The following SUGCT variants were observed in gnomAD, a reference collection of about 807,000 sequenced individuals.
The protein encoded by SUGCT is succinyl-CoA:glutarate CoA-transferase.
A neutral mutation model predicts 55.0 loss-of-function variants in SUGCT; 41 were observed. That is an observed-to-expected ratio of 0.74 (90% CI 0.58 to 0.97). The LOEUF (loss-of-function observed/expected upper bound fraction) is 0.97, where lower values mean the gene tolerates loss of function less well. Ranked by LOEUF, SUGCT falls within the 50% of genes least tolerant of loss-of-function variation. SUGCT has a pLI of 0.00. For synonymous variants in SUGCT, 187 were observed against 200.4 expected (o/e 0.93, Z 0.56); for missense variants, 568 against 547.8 (o/e 1.04, Z -0.37).
At chr7:40,562,422 G>A (rs1583987767) in intron 12 of SUGCT, among the ~76,000 whole-genome samples, 1 of 152,156 alleles carries the variant, frequency 6.6e-6, no homozygotes. Context: ...TAGGATGCTG[G>A]TGTGATGGCA....
chr7:40,519,816 C>T (rs930008507), intron 12 of SUGCT, among the ~76,000 whole-genome samples: 12 of 151,928 alleles, frequency 7.9e-5, no homozygotes, highest in East Asian at 3.9e-4. Flanking sequence ...ATTGCAAAGA[C>T]AGATTCAGTG....
the SUGCT span, among the ~76,000 whole-genome samples, chr7:40,917,346 C>G: frequency 4.6e-5 from 7 of 152,268 alleles, no homozygotes; most frequent in South Asian, 4.1e-4. Context: ...CAGTTTCTAC[C>G]ATACATAAGT....
downstream of SUGCT, among the ~76,000 whole-genome samples, chr7:40,864,427 C>T (rs1401045255): frequency 6.6e-6 from 1 of 152,154 alleles, no homozygotes; most frequent in Non-Finnish European, 1.5e-5. Flanking sequence ...GCTAGGATTA[C>T]AGACATGAGC....
At chr7:40,242,658 A>G (rs1394155878) in intron 7 of SUGCT, among the ~76,000 whole-genome samples, 1 of 151,592 alleles carries the variant, frequency 6.6e-6, no homozygotes, top group Non-Finnish European at 1.5e-5. Flanking sequence ...ATGCTGCTTG[A>G]TATTTGTTAC....
At chr7:40,230,388 G>C (rs1336520133) in intron 6 of SUGCT, among the ~76,000 whole-genome samples, 1 of 152,154 alleles carries the variant, frequency 6.6e-6, no homozygotes, top group East Asian at 1.9e-4. Flanking sequence ...TCATGCTAAG[G>C]AACTGTTATT....
intron 10 of SUGCT, among the ~76,000 whole-genome samples, chr7:40,452,935 C>T (rs56090338): frequency 0.11 from 16,125 of 152,124 alleles, 1,146 homozygotes; most frequent in Middle Eastern, 0.19. Flanking sequence ...GGGGAGAACA[C>T]CTGAATTTGA....
intron 12 of SUGCT, among the ~76,000 whole-genome samples, chr7:40,728,582 G>A (rs1786726513): frequency 6.6e-6 from 1 of 152,136 alleles, no homozygotes; most frequent in African/African-American, 2.4e-5. Context: ...TTTTATTGTT[G>A]TTTTAGAATA....
intron 12 of SUGCT, among the ~76,000 whole-genome samples, chr7:40,688,119 G>A (rs1784543282): frequency 6.6e-6 from 1 of 152,116 alleles, no homozygotes. Context: ...TTAATGCAAT[G>A]GTCAGTAATT....
intron 9 of SUGCT, among the ~76,000 whole-genome samples, chr7:40,386,816 A>G (rs373602193): frequency 6.6e-6 from 1 of 151,792 alleles, no homozygotes; most frequent in Non-Finnish European, 1.5e-5. Context: ...TGCAGATCCA[A>G]CCTCTTTGCT....
At chr7:40,865,902 C>T in the SUGCT span, among the ~76,000 whole-genome samples, 2 of 152,194 alleles carry the variant, frequency 1.3e-5, no homozygotes, top group African/African-American at 2.4e-5. Context: ...TTTCTTCTCC[C>T]AGCAGGCTGA....
chr7:40,860,171 TC>T, intron 13 of SUGCT, 144 bp from the exon 14 acceptor site: 8 of 942,086 alleles, frequency 8.5e-6, no homozygotes, highest in Non-Finnish European at 1.3e-5. Context: ...CACGTTTATT[TC>T]CAAAACGTTG....
At chr7:40,494,944 CTTG>C (rs941643171) in intron 11 of SUGCT, among the ~76,000 whole-genome samples, 4 of 151,664 alleles carry the variant, frequency 2.6e-5, no homozygotes, top group African/African-American at 7.3e-5. Flanking sequence ...GAGTTTTGCT[CTTG>C]TTGTCCAGGC....
In SUGCT at chr7:40,820,932, C is replaced by T. The variant is rs181778178; in HGVS notation, c.1154-39384C>T. On this transcript the variant is annotated intron_variant, in intron 13 of 13. Coordinates refer to ENST00000335693, the MANE Select transcript of SUGCT (RefSeq NM_001193313.2). ...AAATAGCTCTTATTATTTTGAGATA[C>T]GTCCCATCAATACCTAGTTTATTGA... Among the ~76,000 whole-genome samples, 885 of 152,152 alleles carry T rather than the reference C, an allele frequency of 5.8e-3. 12 individuals are homozygous for T. The highest frequency in any genetic ancestry group is 8.1e-3 in the Non-Finnish European group (548 of 68,012).
At chr7:40,910,274 A>G in the SUGCT span, among the ~76,000 whole-genome samples, 1 of 152,090 alleles carries the variant, frequency 6.6e-6, no homozygotes. Flanking sequence ...AAGACCAGGT[A>G]TGACAGATGT....
chr7:40,661,834 T>C (rs771466441), intron 12 of SUGCT, among the ~76,000 whole-genome samples: 2 of 152,192 alleles, frequency 1.3e-5, no homozygotes, highest in Admixed American at 6.5e-5. Flanking sequence ...TCTTTTTCTC[T>C]ACCATGTTTT....
rs1256585522 is a variant in SUGCT, at chr7:40,832,568, T to TTG, written c.1154-27747_1154-27746insGT. On this transcript the variant is annotated intron_variant, in intron 13 of 13. Transcript: ENST00000335693. Reference sequence around the variant, plus strand: ...GTTTTCCAGGGTTTTTTTTGTTTTTTTTTTTTCCCGGATGTGAGCACTCCT... The same window carrying TTG: ...GTTTTCCAGGGTTTTTTTTGTTTTTTTGTTTTTTCCCGGATGTGAGCACTCCT... 6.4e-4 allele frequency among the ~76,000 whole-genome samples: 97 copies of TTG among 151,448 alleles called. 1 individual carries two copies. The highest frequency in any genetic ancestry group is 2.2e-3 in the African/African-American group (93 of 41,364).
chr7:40,374,923 G>A (rs1784472148), intron 9 of SUGCT, among the ~76,000 whole-genome samples: 1 of 152,072 alleles, frequency 6.6e-6, no homozygotes, highest in Non-Finnish European at 1.5e-5. Context: ...GATGCTATCT[G>A]GCCCTCTTTG....
At chr7:40,334,739 G>A (rs542199358) in intron 9 of SUGCT, among the ~76,000 whole-genome samples, 6 of 152,186 alleles carry the variant, frequency 3.9e-5, no homozygotes, top group East Asian at 1.9e-4. Flanking sequence ...TTTGCTGCGC[G>A]GAAGCTCTTT....
chr7:40,787,208 A>G (rs1451725873), intron 13 of SUGCT, among the ~76,000 whole-genome samples: 1 of 152,196 alleles, frequency 6.6e-6, no homozygotes, highest in Non-Finnish European at 1.5e-5. Flanking sequence ...GAAAAACTGG[A>G]TAAGTTTTCA....
Sources: gnomAD v4.1 joint callset for allele counts (sites outside exome capture counted in the v4.1 genomes callset) on GRCh38, gnomAD v4.1.1 for gene constraint, MANE v1.5 for transcripts, NCBI Gene and HGNC (gene_info 2026-07-23, HGNC 2026-07-21) for gene names.